The following SOX6 variants were observed in gnomAD, a reference collection of about 807,000 sequenced individuals.
SOX6 encodes the protein transcription factor SOX-6.
Under a neutral mutation model 97.8 loss-of-function variants are expected in SOX6, and 11 were observed. The ratio of observed to expected loss-of-function variants is 0.11; its 90% CI spans 0.07 to 0.19. The LOEUF is 0.19. Among genes scored for constraint, SOX6 ranks in the 10% least tolerant of loss-of-function variants. The pLI is 1.00. For synonymous variants in SOX6, 360 were observed against 371.4 expected, an observed-to-expected ratio of 0.97 and a Z score of 0.35; for missense variants, 810 against 1,039.5, an observed-to-expected ratio of 0.78 and a Z score of 3.04.
intron 9 of SOX6, among the ~76,000 whole-genome samples, chr11:16,091,138 T>C (rs986699457): frequency 6.6e-6 from 1 of 152,028 alleles, no homozygotes. Flanking sequence ...CTAGTTGTAA[T>C]GGTCCTCCCA....
At chr11:16,661,485 T>C (rs1847765078) in intron 3 of SOX6, among the ~76,000 whole-genome samples, 1 of 152,240 alleles carries the variant, frequency 6.6e-6, no homozygotes, top group Non-Finnish European at 1.5e-5. Flanking sequence ...CCATTTTCTA[T>C]GTGCTGCACC....
intron 1 of SOX6, among the ~76,000 whole-genome samples, chr11:16,345,824 A>G (rs1260272124): frequency 1.3e-5 from 2 of 152,066 alleles, no homozygotes; most frequent in Non-Finnish European, 2.9e-5. Context: ...CTCATAAGGC[A>G]TAATCACTCA....
At chr11:16,057,655 C>T (rs965367800) in intron 9 of SOX6, among the ~76,000 whole-genome samples, 1 of 152,032 alleles carries the variant, frequency 6.6e-6, no homozygotes, top group African/African-American at 2.4e-5. Context: ...TGTTTTCTTC[C>T]CTTTTAGTTA....
At chr11:16,109,254 G>T (rs1004229533) in intron 7 of SOX6, among the ~76,000 whole-genome samples, 5 of 152,074 alleles carry the variant, frequency 3.3e-5, no homozygotes, top group Admixed American at 2.0e-4. Context: ...AGACTGGAGT[G>T]CAGTGGCAGA....
chr11:16,721,598 CTT>C (rs1162247244), intron 2 of SOX6, among the ~76,000 whole-genome samples: 13 of 42,712 alleles, frequency 3.0e-4, no homozygotes, highest in African/African-American at 1.5e-3. Context: ...CTCTCTCTCT[CTT>C]CCCTCCCTCC....
intron 4 of SOX6, among the ~76,000 whole-genome samples, chr11:16,519,404 A>G (rs1861021382): frequency 6.6e-6 from 1 of 152,052 alleles, no homozygotes; most frequent in Non-Finnish European, 1.5e-5. Flanking sequence ...TTGTATCCAC[A>G]TGTACTCATC....
intron 2 of SOX6, among the ~76,000 whole-genome samples, chr11:16,326,179 TGA>T (rs752891643): frequency 5.9e-5 from 9 of 152,212 alleles, no homozygotes; most frequent in Non-Finnish European, 1.3e-4. Flanking sequence ...CTCTTCCATG[TGA>T]GAGTTGTTCA....
chr11:16,583,181 T>C (rs550562642), intron 4 of SOX6, among the ~76,000 whole-genome samples: 14 of 152,180 alleles, frequency 9.2e-5, no homozygotes, highest in Middle Eastern at 6.8e-3. Flanking sequence ...ATAATAATTG[T>C]ACATGTTTGC....
At chr11:16,043,443 G>A (rs1331571894) in intron 12 of SOX6, among the ~76,000 whole-genome samples, 2 of 152,046 alleles carry the variant, frequency 1.3e-5, no homozygotes, top group Non-Finnish European at 2.9e-5. Flanking sequence ...GTGACACATC[G>A]ACACAGTCGA....
intron 3 of SOX6, among the ~76,000 whole-genome samples, chr11:16,249,869 T>A (rs952939562): frequency 6.6e-6 from 1 of 152,196 alleles, no homozygotes; most frequent in Non-Finnish European, 1.5e-5. Context: ...ATTACGAGGT[T>A]AATTCCAGTA....
chr11:16,590,360 A>T (rs1010742471), intron 4 of SOX6, among the ~76,000 whole-genome samples: 1 of 152,274 alleles, frequency 6.6e-6, no homozygotes, highest in East Asian at 1.9e-4. Context: ...AGAAAGAAAA[A>T]TTTTTAAGGA....
intron 3 of SOX6, among the ~76,000 whole-genome samples, chr11:16,628,926 C>A (rs561229648): frequency 6.6e-6 from 1 of 152,270 alleles, no homozygotes; most frequent in Non-Finnish European, 1.5e-5. Flanking sequence ...AGAAATGATG[C>A]TGATTTTTGT....
intron 3 of SOX6, among the ~76,000 whole-genome samples, chr11:16,623,168 G>A (rs111791312): frequency 0.011 from 1,709 of 151,904 alleles, 23 homozygotes; most frequent in African/African-American, 0.039. Flanking sequence ...TTACAGGGGC[G>A]CGCCACCACG....
chr11:16,218,455 AT>A (rs1160623353), intron 4 of SOX6, among the ~76,000 whole-genome samples: 2 of 152,122 alleles, frequency 1.3e-5, no homozygotes, highest in African/African-American at 2.4e-5. Flanking sequence ...AATCAAATGT[AT>A]TTTAAGTATC....
At chr11:16,247,123 T>A (rs1853360394) in intron 3 of SOX6, among the ~76,000 whole-genome samples, 1 of 152,190 alleles carries the variant, frequency 6.6e-6, no homozygotes, top group African/African-American at 2.4e-5. Flanking sequence ...AGTTCATTTG[T>A]TTTTTAAGCT....
chr11:16,202,460 C>A (rs1851966742), intron 4 of SOX6, among the ~76,000 whole-genome samples: 1 of 152,158 alleles, frequency 6.6e-6, no homozygotes, highest in Non-Finnish European at 1.5e-5. Context: ...CAAATGGCTG[C>A]TGAATAAATT....
chr11:16,526,736 T>G (rs149996067), intron 4 of SOX6, among the ~76,000 whole-genome samples: 1 of 152,130 alleles, frequency 6.6e-6, no homozygotes, highest in Non-Finnish European at 1.5e-5. Context: ...TAATCCAGCC[T>G]TTCGTATATC....
chr11:16,665,231 G>A (rs191326487), intron 3 of SOX6, among the ~76,000 whole-genome samples: 3 of 152,184 alleles, frequency 2.0e-5, no homozygotes, highest in Admixed American at 2.0e-4. Flanking sequence ...AGAGCAACAA[G>A]CAGGCTCTTT....
intron 2 of SOX6, among the ~76,000 whole-genome samples, chr11:16,322,769 C>T (rs111698695): frequency 3.7e-3 from 567 of 152,220 alleles, no homozygotes; most frequent in Non-Finnish European, 5.9e-3. Context: ...TGCACAGGTC[C>T]TGATCCCACT....
Sources: gnomAD v4.1 joint callset for allele counts (sites outside exome capture counted in the v4.1 genomes callset) on GRCh38, gnomAD v4.1.1 for gene constraint, MANE v1.5 for transcripts, NCBI Gene and HGNC (gene_info 2026-07-23, HGNC 2026-07-21) for gene names.